Variants in CHN2 observed in about 807,000 individuals in gnomAD.
The protein encoded by CHN2 is chimerin 2.
Under a neutral mutation model 56.3 loss-of-function variants are expected in CHN2, and 35 were observed. The ratio of observed to expected loss-of-function variants is 0.62; its 90% CI spans 0.47 to 0.82. The LOEUF is 0.82. Among genes scored for constraint, CHN2 ranks in the 40% least tolerant of loss-of-function variants. The pLI is 0.00. For synonymous variants in CHN2, 210 were observed against 212.8 expected (o/e 0.99, Z 0.12); for missense variants, 491 against 580.5 (o/e 0.85, Z 1.58).
chr7:29,329,798 T>G (rs781003589), intron 1 of CHN2, among the ~76,000 whole-genome samples: 6 of 152,236 alleles, frequency 3.9e-5, no homozygotes, highest in Non-Finnish European at 7.3e-5. Context: ...ATGTTTGAAT[T>G]AGGTCATTTA....
intron 1 of CHN2, among the ~76,000 whole-genome samples, chr7:29,325,451 C>T (rs1269380973): frequency 1.3e-5 from 2 of 152,208 alleles, no homozygotes; most frequent in East Asian, 3.9e-4. Flanking sequence ...GAATTGAGCG[C>T]TCTTTTTGAC....
chr7:29,231,909 G>A (rs997536184), intron 1 of CHN2, among the ~76,000 whole-genome samples: 10 of 152,270 alleles, frequency 6.6e-5, no homozygotes, highest in Admixed American at 6.5e-4. Flanking sequence ...GCAGATTGTT[G>A]CAGTTTAAGT....
intron 2 of CHN2, among the ~76,000 whole-genome samples, chr7:29,362,235 G>C (rs1052720530): frequency 1.3e-5 from 2 of 152,158 alleles, no homozygotes; most frequent in African/African-American, 4.8e-5. Flanking sequence ...TTTGGGTTTT[G>C]GAAATCAAGG....
At chr7:29,353,504 A>G (rs1018829723) in intron 1 of CHN2, among the ~76,000 whole-genome samples, 4 of 152,176 alleles carry the variant, frequency 2.6e-5, no homozygotes, top group African/African-American at 9.7e-5. Context: ...AACTATAAAA[A>G]ATTGGCTGGG....
At chr7:29,217,457 G>T (rs1785431575) in intron 1 of CHN2, among the ~76,000 whole-genome samples, 2 of 152,128 alleles carry the variant, frequency 1.3e-5, no homozygotes. Flanking sequence ...GTGTAGACTG[G>T]GAGGGCCATT....
chr7:29,468,856 A>G (rs78499765), intron 6 of CHN2, among the ~76,000 whole-genome samples: 3,466 of 152,022 alleles, frequency 0.023, 130 homozygotes, highest in African/African-American at 0.076. Flanking sequence ...CCCCTTAATG[A>G]TTGGAGTGTC....
intron 1 of CHN2, among the ~76,000 whole-genome samples, chr7:29,289,837 A>G (rs117020868): frequency 0.025 from 3,871 of 152,354 alleles, 69 homozygotes; most frequent in Non-Finnish European, 0.037. Flanking sequence ...ACCAAAAAAG[A>G]GAACTGAAGC....
intron 1 of CHN2, among the ~76,000 whole-genome samples, chr7:29,289,793 T>C (rs916238451): frequency 5.9e-5 from 9 of 152,228 alleles, no homozygotes; most frequent in Non-Finnish European, 1.2e-4. Flanking sequence ...GCTACTTACA[T>C]ATGCATTTAC....
At chr7:29,157,690 G>A (rs1794600259) in intron 2 of CHN2, among the ~76,000 whole-genome samples, 1 of 152,158 alleles carries the variant, frequency 6.6e-6, no homozygotes, top group Non-Finnish European at 1.5e-5. Context: ...CCCTTCACCA[G>A]TGAAAAGCCA....
chr7:29,289,464 C>T (rs2391747), intron 1 of CHN2, among the ~76,000 whole-genome samples: 26,524 of 152,040 alleles, frequency 0.17, 2,457 homozygotes, highest in East Asian at 0.3. Context: ...AGCAGGACTA[C>T]GGGTTAGGCA....
At chr7:29,303,029 C>A (rs1403340343) in intron 1 of CHN2, among the ~76,000 whole-genome samples, 1 of 152,176 alleles carries the variant, frequency 6.6e-6, no homozygotes, top group African/African-American at 2.4e-5. Flanking sequence ...CGCCCATCTT[C>A]CAGGTCCATC....
At chr7:29,292,374 A>T (rs1351597171) in intron 1 of CHN2, among the ~76,000 whole-genome samples, 1 of 151,752 alleles carries the variant, frequency 6.6e-6, no homozygotes, top group Non-Finnish European at 1.5e-5. Flanking sequence ...GAGGTCAAAC[A>T]CTAATAAATA....
chr7:29,385,715 T>C (rs1420246003), intron 3 of CHN2, among the ~76,000 whole-genome samples: 1 of 152,186 alleles, frequency 6.6e-6, no homozygotes, highest in East Asian at 1.9e-4. Flanking sequence ...TCACCTCCCC[T>C]CCCAGTTGAG....
intron 7 of CHN2, among the ~76,000 whole-genome samples, chr7:29,492,022 C>T (rs1788717278): frequency 6.6e-6 from 1 of 152,188 alleles, no homozygotes; most frequent in South Asian, 2.1e-4. Context: ...CAATTTGCTT[C>T]TCACTGAAGT....
chr7:29,493,001 A>G (rs1341145181), intron 7 of CHN2, among the ~76,000 whole-genome samples: 2 of 152,192 alleles, frequency 1.3e-5, no homozygotes, highest in Admixed American at 1.3e-4. Context: ...TACCTTTAAT[A>G]TAATCATGTG....
chr7:29,207,321 C>T (rs1393582741), intron 1 of CHN2, among the ~76,000 whole-genome samples: 1 of 152,112 alleles, frequency 6.6e-6, no homozygotes, highest in Non-Finnish European at 1.5e-5. Flanking sequence ...CCTTCTCTTC[C>T]CCTTTTCATT....
chr7:29,360,997 C>T (rs1050168290), intron 2 of CHN2, among the ~76,000 whole-genome samples: 2 of 152,174 alleles, frequency 1.3e-5, no homozygotes, highest in Non-Finnish European at 2.9e-5. Flanking sequence ...TGGCTGCCAC[C>T]CCTGCCAAAC....
intron 11 of CHN2, among the ~76,000 whole-genome samples, chr7:29,508,169 C>T (rs1043225736): frequency 3.3e-5 from 5 of 152,120 alleles, no homozygotes; most frequent in Non-Finnish European, 5.9e-5. Flanking sequence ...CTCATGCGTC[C>T]AGGAATGGGA....
chr7:29,480,095 C>T, intron 6 of CHN2, 184 bp from the exon 7 acceptor site: 15 of 1,551,568 alleles, frequency 9.7e-6, no homozygotes, highest in Non-Finnish European at 1.3e-5. Flanking sequence ...CTGGAAAGAG[C>T]TGGGATCCAG....
Sources: allele counts gnomAD v4.1 joint callset (sites outside exome capture counted in the v4.1 genomes callset), GRCh38; gene constraint gnomAD v4.1.1; transcripts MANE v1.5; gene names NCBI Gene and HGNC (gene_info 2026-07-23, HGNC 2026-07-21).